Variants in NELL2 observed in about 807,000 individuals in gnomAD.
The protein encoded by NELL2 is protein kinase C-binding protein NELL2.
NELL2 carries 41 observed loss-of-function variants against 109.6 expected under a neutral mutation model. The observed-to-expected ratio is 0.37, with a 90% CI of 0.29 to 0.49. NELL2 has a LOEUF of 0.49. NELL2 is among the 20% of genes least tolerant of loss of function. NELL2 has a pLI of 0.98. For synonymous variants in NELL2, 355 were observed against 344.7 expected, an observed-to-expected ratio of 1.03 and a Z score of -0.33; for missense variants, 900 against 1,008.3, an observed-to-expected ratio of 0.89 and a Z score of 1.45.
rs1048476852 is a variant in NELL2 at position 44,794,562 on chromosome 12, C to T, written c.336-14540G>A. ...TTTTGCTTCCTGTTTGCTGACCCAT[C>T]AGGGTACTTCTCGTTATTTCCTAGC... On this transcript the variant is annotated intron_variant, in intron 3 of 19. Coordinates refer to ENST00000429094, the MANE Select transcript of NELL2 (RefSeq NM_001145108.2). 5.9e-5 allele frequency among the ~76,000 whole-genome samples: 9 copies of T among 152,256 alleles called. No individual in the cohort carries two copies. The South Asian group carries it at 1.9e-3, about 32-fold the overall frequency.
chr12:44,812,044 C>T (rs1943196084), intron 3 of NELL2, among the ~76,000 whole-genome samples: 1 of 152,098 alleles, frequency 6.6e-6, no homozygotes. Flanking sequence ...AGAGTTCTTA[C>T]TATGGTGAAC....
chr12:44,565,095 TC>T (rs1943603924), intron 15 of NELL2, among the ~76,000 whole-genome samples: 1 of 152,116 alleles, frequency 6.6e-6, no homozygotes, highest in African/African-American at 2.4e-5. Flanking sequence ...TTTCACATAC[TC>T]CCCAGGTGAT....
chr12:44,685,684 T>C (rs1204770361), intron 12 of NELL2, among the ~76,000 whole-genome samples: 1 of 152,176 alleles, frequency 6.6e-6, no homozygotes, highest in African/African-American at 2.4e-5. Context: ...AAGCTTAGTT[T>C]TGCTGGATAT....
At chr12:44,621,936 G>C (rs1019370424) in intron 13 of NELL2, among the ~76,000 whole-genome samples, 1 of 115,474 alleles carries the variant, frequency 8.7e-6, no homozygotes, top group African/African-American at 2.7e-5. Flanking sequence ...TCATGAGTTA[G>C]TATTACACCA....
chr12:44,594,938 A>G (rs10785511), intron 15 of NELL2, among the ~76,000 whole-genome samples: 30,702 of 152,086 alleles, frequency 0.2, 3,218 homozygotes, highest in South Asian at 0.33. Flanking sequence ...CCTTCTCATC[A>G]TTCACTGAGT....
At chr12:44,679,718 C>T (rs1354233775) in intron 12 of NELL2, among the ~76,000 whole-genome samples, 1 of 152,166 alleles carries the variant, frequency 6.6e-6, no homozygotes, top group Non-Finnish European at 1.5e-5. Context: ...TCTACTAACA[C>T]TCCTGGATAT....
chr12:44,687,021 G>A (rs1468774263), intron 12 of NELL2, among the ~76,000 whole-genome samples: 2 of 152,024 alleles, frequency 1.3e-5, no homozygotes, highest in East Asian at 1.9e-4. Context: ...AGCCCTTGCA[G>A]TTTGATCTCA....
chr12:44,744,872 A>G (rs1228146363), intron 9 of NELL2, among the ~76,000 whole-genome samples: 1 of 152,146 alleles, frequency 6.6e-6, no homozygotes, highest in Admixed American at 6.5e-5. Flanking sequence ...TCTACCAGAG[A>G]TACAAAGAGG....
In NELL2 at chr12:44,875,929, G is replaced by A. The variant is rs950184570; in HGVS notation, c.-60C>T. On this transcript the variant is annotated 5_prime_UTR_variant, in exon 1 of 20. Coordinates refer to ENST00000429094, the MANE Select transcript of NELL2 (RefSeq NM_001145108.2). Reference sequence around the variant, plus strand: ...TAAAAATAAAAATAAAAATCGAAGAGGTTCTTGGAATCAAGCGGGAAAATA... The same window carrying A: ...TAAAAATAAAAATAAAAATCGAAGAAGTTCTTGGAATCAAGCGGGAAAATA... 3.1e-6 allele frequency: 5 copies of A among 1,610,190 alleles called. No homozygotes were observed. In the Admixed American group the frequency reaches 5.0e-5, roughly 16 times the overall value.
chr12:44,776,385 A>G (rs1014876911), intron 7 of NELL2, among the ~76,000 whole-genome samples: 12 of 152,350 alleles, frequency 7.9e-5, no homozygotes, highest in Admixed American at 4.6e-4. Flanking sequence ...AACATAATTT[A>G]TAAGACATAA....
intron 9 of NELL2, among the ~76,000 whole-genome samples, chr12:44,765,260 G>A (rs954983207): frequency 1.3e-5 from 2 of 152,052 alleles, no homozygotes; most frequent in Non-Finnish European, 2.9e-5. Flanking sequence ...TCTTTCCTGG[G>A]TTACTGAGTT....
At chr12:44,754,153 G>C (rs575503447) in intron 9 of NELL2, among the ~76,000 whole-genome samples, 1 of 152,156 alleles carries the variant, frequency 6.6e-6, no homozygotes, top group Non-Finnish European at 1.5e-5. Flanking sequence ...AATAAAGGAA[G>C]AACGAGACAT....
intron 9 of NELL2, among the ~76,000 whole-genome samples, chr12:44,728,914 T>A (rs1490330098): frequency 6.6e-6 from 1 of 152,030 alleles, no homozygotes; most frequent in African/African-American, 2.4e-5. Context: ...AAATAAAGAC[T>A]TTTCCAGATA....
At chr12:44,541,048 A>C (rs1447063547) in intron 15 of NELL2, among the ~76,000 whole-genome samples, 1 of 151,666 alleles carries the variant, frequency 6.6e-6, no homozygotes, top group Non-Finnish European at 1.5e-5. Flanking sequence ...GATCGAGACC[A>C]TCCTGGCTAA....
At chr12:44,734,228 T>A (rs1939521513) in intron 9 of NELL2, among the ~76,000 whole-genome samples, 1 of 151,966 alleles carries the variant, frequency 6.6e-6, no homozygotes, top group Non-Finnish European at 1.5e-5. Context: ...ATTTTATAAT[T>A]ATTAAGTAAT....
At chr12:44,792,923 G>C (rs939348185) in intron 3 of NELL2, among the ~76,000 whole-genome samples, 1 of 152,250 alleles carries the variant, frequency 6.6e-6, no homozygotes, top group African/African-American at 2.4e-5. Flanking sequence ...GACATATGTA[G>C]AAGGTGCTCA....
chr12:44,864,238 T>C (rs1403658708), intron 2 of NELL2, among the ~76,000 whole-genome samples: 1 of 152,106 alleles, frequency 6.6e-6, no homozygotes. Context: ...TGAAAGCAAA[T>C]GGATTAAATC....
chr12:44,812,546 T>C (rs923336037), intron 3 of NELL2, among the ~76,000 whole-genome samples: 8 of 152,194 alleles, frequency 5.3e-5, no homozygotes, highest in Non-Finnish European at 2.9e-5. Context: ...GATATTTCTA[T>C]AAGCCACCTT....
intron 9 of NELL2, among the ~76,000 whole-genome samples, chr12:44,771,301 C>T (rs913889807): frequency 3.3e-5 from 5 of 149,632 alleles, no homozygotes; most frequent in Admixed American, 1.3e-4. Context: ...AGCAACTGGT[C>T]GATAAAAGTA....
Sources: gnomAD v4.1 joint callset for allele counts (sites outside exome capture counted in the v4.1 genomes callset) on GRCh38, gnomAD v4.1.1 for gene constraint, MANE v1.5 for transcripts, NCBI Gene and HGNC (gene_info 2026-07-23, HGNC 2026-07-21) for gene names.